PPP2R5E: variants seen among roughly 807,000 people sequenced by gnomAD.
The protein encoded by PPP2R5E is protein phosphatase 2 regulatory subunit B'epsilon.
A neutral mutation model predicts 65.3 loss-of-function variants in PPP2R5E; 4 were observed. The observed-to-expected ratio is 0.06, with a 90% CI of 0.03 to 0.14. PPP2R5E has a LOEUF of 0.14. Among genes scored for constraint, PPP2R5E ranks in the 10% least tolerant of loss-of-function variants. PPP2R5E has a pLI of 1.00. For synonymous variants in PPP2R5E, 183 were observed against 187.4 expected, an observed-to-expected ratio of 0.98 and a Z score of 0.19; for missense variants, 274 against 556.1, an observed-to-expected ratio of 0.49 and a Z score of 5.10.
intron 2 of PPP2R5E, among the ~76,000 whole-genome samples, chr14:63,517,259 T>C (rs1252995460): frequency 1.8e-4 from 28 of 152,106 alleles, no homozygotes; most frequent in Admixed American, 1.8e-3. Flanking sequence ...AATGTAGGTG[T>C]AGTGCCCTAC....
chr14:63,519,927 T>C (rs1281134768), intron 2 of PPP2R5E, among the ~76,000 whole-genome samples: 1 of 151,832 alleles, frequency 6.6e-6, no homozygotes, highest in Non-Finnish European at 1.5e-5. Context: ...CCCAAAGTGC[T>C]GGGATTACAG....
chr14:63,423,551 A>G (rs778462563), intron 3 of PPP2R5E, among the ~76,000 whole-genome samples: 3 of 152,188 alleles, frequency 2.0e-5, no homozygotes, highest in Non-Finnish European at 4.4e-5. Flanking sequence ...AACATAAGAC[A>G]GGGAGGGACA....
intron 2 of PPP2R5E, among the ~76,000 whole-genome samples, chr14:63,528,672 T>A (rs1324257156): frequency 1.3e-5 from 2 of 152,178 alleles, no homozygotes; most frequent in African/African-American, 4.8e-5. Flanking sequence ...AAAATTGGCA[T>A]TAAAATTTTA....
At chr14:63,498,796 G>A (rs1224994927) in intron 2 of PPP2R5E, among the ~76,000 whole-genome samples, 1 of 151,912 alleles carries the variant, frequency 6.6e-6, no homozygotes, top group Non-Finnish European at 1.5e-5. Flanking sequence ...CTGCAGATAG[G>A]GGTTCATTTG....
chr14:63,421,052 CAAAAAAAAAAAAAAAAAAAAAAAAA>C (rs56297942), intron 4 of PPP2R5E, among the ~76,000 whole-genome samples: 2 of 10,292 alleles, frequency 1.9e-4, no homozygotes, highest in South Asian at 5.4e-3. Flanking sequence ...GACTCCGTCT[CAAAAAAAAAAAAAAAAAAAAAAAAA>C]AAAAAAAAAA....
In PPP2R5E at chr14:63,386,735, C is replaced by A. The variant is rs185304470; in HGVS notation, c.1075-2164G>T. Among the ~76,000 whole-genome samples the A allele has an allele frequency of 4.5e-4, 68 of 152,032 alleles. 1 individual carries two copies. The East Asian group carries it at 0.013, about 28-fold the overall frequency. On this transcript the variant is annotated intron_variant, in intron 11 of 13. Transcript: ENST00000337537. ...GTCAGGAGTTCGAGACCAGTCTGGC[C>A]AACATGGTAAAACCCCCATCTCTAC...
chr14:63,382,628 C>T (rs1427031332), intron 12 of PPP2R5E, among the ~76,000 whole-genome samples: 1 of 151,880 alleles, frequency 6.6e-6, no homozygotes, highest in Non-Finnish European at 1.5e-5. Flanking sequence ...CTCGAACTCC[C>T]AACCTCAGGT....
In PPP2R5E at chr14:63,539,561, G is replaced by C. The variant is rs1893803735; in HGVS notation, c.125C>G (p.Pro42Arg). 1.9e-6 allele frequency: 3 copies of C among 1,613,916 alleles called. No individual in the cohort carries two copies. Among genetic ancestry groups the C allele is most frequent in the Non-Finnish European group, 2.5e-6 (3 of 1,179,944 alleles). ...CAGCGGCAGAGGTGTTAACTCAATA[G>C]GCTTGCCTTGAGACCTAAACTGTGA... ...SSSQFRSQGK[P>R]IELTPLPLLK... Residue 42 changes from proline to arginine, a missense_variant, in exon 2 of 14, where the codon CCT becomes CGT. Pro to Arg is a moderately radical substitution (Grantham distance 103). This residue lies in a region of PPP2R5E where 58 missense variants were observed against 64.8 expected (regional missense o/e 0.90). Coordinates refer to ENST00000337537, the MANE Select transcript of PPP2R5E (RefSeq NM_006246.5).
chr14:63,491,099 C>A (rs1394509305), intron 2 of PPP2R5E, among the ~76,000 whole-genome samples: 1 of 152,002 alleles, frequency 6.6e-6, no homozygotes, highest in Non-Finnish European at 1.5e-5. Flanking sequence ...AGCTGGAGGT[C>A]ATTATCCTAA....
At chr14:63,414,494 G>A (rs1594847462) in intron 5 of PPP2R5E, among the ~76,000 whole-genome samples, 1 of 152,232 alleles carries the variant, frequency 6.6e-6, no homozygotes, top group South Asian at 2.1e-4. Flanking sequence ...AACAACAGGA[G>A]CAAGGAAGTG....
chr14:63,380,926 T>C (rs1566661615), intron 13 of PPP2R5E, among the ~76,000 whole-genome samples: 1 of 152,074 alleles, frequency 6.6e-6, no homozygotes, highest in African/African-American at 2.4e-5. Context: ...GTTGACAGAC[T>C]AAAAATGAGA....
chr14:63,508,044 GGATCCAATGTAATAGCCT>G (rs1892294130), intron 2 of PPP2R5E: 6 of 678,070 alleles, frequency 8.8e-6, no homozygotes, highest in African/African-American at 5.9e-5. Flanking sequence ...AATGCCTTTG[GGATCCAATGTAATAGCCT>G]GATCCAAGCC....
intron 5 of PPP2R5E, among the ~76,000 whole-genome samples, chr14:63,411,727 G>C (rs1194178294): frequency 6.8e-6 from 1 of 147,332 alleles, no homozygotes; most frequent in African/African-American, 2.5e-5. Flanking sequence ...CTCTCACCAC[G>C]TGACACACAT....
intron 2 of PPP2R5E, among the ~76,000 whole-genome samples, chr14:63,520,368 T>G (rs1892850020): frequency 2.0e-5 from 3 of 152,204 alleles, no homozygotes; most frequent in Non-Finnish European, 2.9e-5. Context: ...TGCCCTGTCT[T>G]CTTCTCTCAG....
intron 5 of PPP2R5E, among the ~76,000 whole-genome samples, chr14:63,408,881 G>T (rs1886232906): frequency 6.6e-6 from 1 of 152,222 alleles, no homozygotes; most frequent in Non-Finnish European, 1.5e-5. Flanking sequence ...GATCACTTGA[G>T]TCCAGGAGTT....
intron 2 of PPP2R5E, among the ~76,000 whole-genome samples, chr14:63,515,714 T>C (rs1050925942): frequency 6.6e-6 from 1 of 150,824 alleles, no homozygotes; most frequent in Non-Finnish European, 1.5e-5. Flanking sequence ...AGAAATGGGG[T>C]TTCACCATGT....
intron 3 of PPP2R5E, among the ~76,000 whole-genome samples, chr14:63,442,091 T>TA (rs1007982390): frequency 3.9e-5 from 6 of 152,162 alleles, no homozygotes; most frequent in African/African-American, 1.4e-4. Context: ...CCAGTTTCCC[T>TA]ACCCTTTGAA....
chr14:63,386,182 G>C (rs1367869131), intron 11 of PPP2R5E, among the ~76,000 whole-genome samples: 1 of 152,060 alleles, frequency 6.6e-6, no homozygotes, highest in Non-Finnish European at 1.5e-5. Flanking sequence ...ATTCAGCTTG[G>C]TTCAAAAAAC....
chr14:63,504,295 C>T (rs1436487908), intron 2 of PPP2R5E, among the ~76,000 whole-genome samples: 2 of 152,098 alleles, frequency 1.3e-5, no homozygotes, highest in African/African-American at 2.4e-5. Context: ...CCCAAGAAGT[C>T]AATTGGCCAG....
Sources: gnomAD v4.1 joint callset for allele counts (sites outside exome capture counted in the v4.1 genomes callset) on GRCh38, gnomAD v4.1.1 for gene constraint, gnomAD v4.1.1 regional missense constraint, MANE v1.5 for transcripts, NCBI Gene and HGNC (gene_info 2026-07-23, HGNC 2026-07-21) for gene names.